The following CYTH4 variants were observed in gnomAD, a reference collection of about 807,000 sequenced individuals.
The protein encoded by CYTH4 is cytohesin 4.
In CYTH4, 22 loss-of-function variants were observed where a neutral mutation model predicts 57.5. The observed-to-expected ratio is 0.38, with a 90% CI of 0.27 to 0.55. The LOEUF (loss-of-function observed/expected upper bound fraction) is 0.55, where lower values mean the gene tolerates loss of function less well. Ranked by LOEUF, CYTH4 falls within the 20% of genes least tolerant of loss-of-function variation. The probability of loss-of-function intolerance (pLI) is 0.74; values close to 1 mark genes in which losing one functional copy is unlikely to be tolerated. For missense variants in CYTH4, 420 were observed against 535.6 expected (o/e 0.78, Z 2.13); for synonymous variants, 186 against 206.5 (o/e 0.90, Z 0.85).
intron 7 of CYTH4, among the ~76,000 whole-genome samples, chr22:37,301,434 A>G (rs911292530): frequency 2.0e-5 from 3 of 152,114 alleles, no homozygotes; most frequent in African/African-American, 7.2e-5. Context: ...GCCCAGAAAC[A>G]TGAAACAGCC....
At chr22:37,282,800 C>T (rs948091599) in intron 1 of CYTH4, among the ~76,000 whole-genome samples, 1 of 152,224 alleles carries the variant, frequency 6.6e-6, no homozygotes, top group Non-Finnish European at 1.5e-5. Context: ...CTGTTTCCCC[C>T]TTCATAGGCT....
In CYTH4 at chr22:37,299,315, TC is replaced by T; in HGVS notation, c.434+11del. The T allele has an allele frequency of 6.2e-7, 1 of 1,613,510 alleles. No homozygotes were observed. Among genetic ancestry groups the T allele is most frequent in the Non-Finnish European group, 8.5e-7 (1 of 1,179,554 alleles). The stretch of plus-strand genomic sequence containing the variant: ...CTCGTCCAGGCCCTCAGGTGAGTAG[TC>T]CTGGGGCAGGGTCCCGGCCCTCAAG... On this transcript the variant is annotated intron_variant, in intron 6 of 12. Transcript: ENST00000248901.
At chr22:37,285,882 G>A (rs1928539588) in intron 1 of CYTH4, among the ~76,000 whole-genome samples, 1 of 152,168 alleles carries the variant, frequency 6.6e-6, no homozygotes, top group Non-Finnish European at 1.5e-5. Context: ...CCTCATGTGG[G>A]TTCAGATGCT....
At chr22:37,309,560 G>A (rs1029215555) in intron 9 of CYTH4, among the ~76,000 whole-genome samples, 2 of 152,200 alleles carry the variant, frequency 1.3e-5, no homozygotes, top group African/African-American at 4.8e-5. Flanking sequence ...TGAGCTGTAA[G>A]CCGGGCGAGA....
intron 8 of CYTH4, chr22:37,304,210 G>T (rs1929310083): frequency 2.2e-6 from 1 of 456,744 alleles, no homozygotes; most frequent in Non-Finnish European, 4.4e-6. Context: ...GCCGGGAAAG[G>T]ACATTTCAAA....
At chr22:37,302,299 T>C (rs1929212145) in intron 7 of CYTH4, among the ~76,000 whole-genome samples, 1 of 152,180 alleles carries the variant, frequency 6.6e-6, no homozygotes, top group South Asian at 2.1e-4. Flanking sequence ...ACTCAATAAA[T>C]AGTTGTAGGT....
intron 2 of CYTH4, among the ~76,000 whole-genome samples, chr22:37,293,224 G>C (rs1011616053): frequency 6.6e-6 from 1 of 152,204 alleles, no homozygotes; most frequent in Non-Finnish European, 1.5e-5. Flanking sequence ...GGCTGCAGTG[G>C]CTGTGCCCAC....
intron 6 of CYTH4, chr22:37,299,992 C>CA (rs753851064): frequency 5.6e-6 from 4 of 709,020 alleles, no homozygotes; most frequent in South Asian, 3.0e-5. Flanking sequence ...CTCTGTCTCA[C>CA]AAAAAAATAA....
chr22:37,312,011 T>TC lies in CYTH4; in HGVS notation c.958-5dup. 6.2e-7 allele frequency: 1 copy of TC among 1,609,224 alleles called. No individual in the cohort carries two copies. The highest frequency in any genetic ancestry group is 2.2e-5 in the East Asian group (1 of 44,662). On this transcript the variant is annotated splice_polypyrimidine_tract_variant and intron_variant, in intron 11 of 12. Coordinates refer to ENST00000248901, the MANE Select transcript of CYTH4 (RefSeq NM_013385.5). ...CTCTTCCCACCCTTGCCTGGCCACC[T>TC]CCCCACAGTTCTGCCTGGAGCTCTA...
intron 8 of CYTH4, chr22:37,304,375 C>T (rs1929320026): frequency 2.3e-6 from 1 of 429,482 alleles, no homozygotes; most frequent in East Asian, 7.1e-5. Flanking sequence ...TGCCTGTTTC[C>T]TATGGGCCAC....
At position 37,311,412 on chromosome 22, in the gene CYTH4, G is replaced by A. The variant is rs768056514; in HGVS notation, c.886-44G>A. On this transcript the variant is annotated intron_variant, in intron 10 of 12. Transcript: ENST00000248901. This position sits in a 1 kb window ranked among gnomAD's most constrained non-coding sequence, Gnocchi z 4.4. ...GTTCACACCCTGCCTTGGGCCTCAGGGTTCCGCTTCCTGACCCTGACCTTC... is the reference window on the plus strand; with the variant it reads ...GTTCACACCCTGCCTTGGGCCTCAGAGTTCCGCTTCCTGACCCTGACCTTC... 1 of 1,571,968 alleles carries A rather than the reference G, an allele frequency of 6.4e-7. No individual in the cohort carries two copies. Among genetic ancestry groups the A allele is most frequent in the Non-Finnish European group, 8.8e-7 (1 of 1,141,914 alleles).
chr22:37,286,264 C>T (rs1928557370), intron 1 of CYTH4, among the ~76,000 whole-genome samples: 1 of 152,206 alleles, frequency 6.6e-6, no homozygotes, highest in Non-Finnish European at 1.5e-5. Flanking sequence ...AGCCTCCGAG[C>T]CCCAGATGGA....
intron 8 of CYTH4, among the ~76,000 whole-genome samples, chr22:37,308,459 TATAA>T (rs1453117728): frequency 6.1e-5 from 9 of 147,354 alleles, no homozygotes; most frequent in African/African-American, 1.6e-4. Flanking sequence ...TGTGCATGTA[TATAA>T]GTGTGTGTGT....
intron 8 of CYTH4, among the ~76,000 whole-genome samples, chr22:37,304,724 G>A (rs1315941744): frequency 6.6e-6 from 1 of 152,212 alleles, no homozygotes; most frequent in Non-Finnish European, 1.5e-5. Flanking sequence ...CCACTCCGTA[G>A]CATGAGAGCT....
intron 8 of CYTH4, among the ~76,000 whole-genome samples, chr22:37,309,001 G>A (rs1464870796): frequency 6.6e-6 from 1 of 152,088 alleles, no homozygotes; most frequent in African/African-American, 2.4e-5. Flanking sequence ...GGGGTGGCGG[G>A]GTGGCAGGGT....
intron 1 of CYTH4, among the ~76,000 whole-genome samples, chr22:37,286,824 CTT>C (rs886136819): frequency 3.3e-5 from 5 of 152,074 alleles, no homozygotes; most frequent in African/African-American, 1.2e-4. Context: ...GATTTGGGGT[CTT>C]TGTCCCCAGG....
intron 8 of CYTH4, among the ~76,000 whole-genome samples, chr22:37,306,801 G>T (rs1929414189): frequency 6.6e-6 from 1 of 152,216 alleles, no homozygotes; most frequent in Non-Finnish European, 1.5e-5. Context: ...AGATGGCCCG[G>T]CCTTCCCGTG....
chr22:37,311,398 G>A lies in CYTH4; in HGVS notation c.886-58G>A. The A allele has an allele frequency of 1.3e-5, 20 of 1,484,460 alleles. No individual in the cohort carries two copies. Among genetic ancestry groups the A allele is most frequent in the Non-Finnish European group, 1.7e-5 (18 of 1,062,824 alleles). 92.0% of individuals were successfully genotyped at this position (1,484,460 alleles called of 1,614,324 possible). On this transcript the variant is annotated intron_variant, in intron 10 of 12. Transcript: ENST00000248901. This position sits in a 1 kb window ranked among gnomAD's most constrained non-coding sequence, Gnocchi z 4.4. ...GGGGAACCCCACACGTTCACACCCTGCCTTGGGCCTCAGGGTTCCGCTTCC... is the reference window on the plus strand; with the variant it reads ...GGGGAACCCCACACGTTCACACCCTACCTTGGGCCTCAGGGTTCCGCTTCC...
chr22:37,308,821 A>C (rs531140590), intron 8 of CYTH4, among the ~76,000 whole-genome samples: 1 of 151,414 alleles, frequency 6.6e-6, no homozygotes, highest in Non-Finnish European at 1.5e-5. Flanking sequence ...TGTATGTGTG[A>C]GCATGCATTT....
Sources: allele counts gnomAD v4.1 joint callset (sites outside exome capture counted in the v4.1 genomes callset), GRCh38; gene constraint gnomAD v4.1.1; non-coding constraint Gnocchi (gnomAD v3.1); transcripts MANE v1.5; gene names NCBI Gene and HGNC (gene_info 2026-07-23, HGNC 2026-07-21).